PARD3B: variants seen among roughly 807,000 people sequenced by gnomAD.
The protein encoded by PARD3B is partitioning defective 3 homolog B.
A neutral mutation model predicts 130.2 loss-of-function variants in PARD3B; 103 were observed. The ratio of observed to expected loss-of-function variants is 0.79; its 90% CI spans 0.67 to 0.93. The LOEUF is 0.93. PARD3B is among the 40% of genes least tolerant of loss of function. PARD3B has a pLI of 0.00. For synonymous variants in PARD3B, 583 were observed against 553.2 expected (o/e 1.05, Z -0.76); for missense variants, 1,609 against 1,499.2 (o/e 1.07, Z -1.21).
At chr2:205,542,760 C>G (rs1048390699) in intron 21 of PARD3B, among the ~76,000 whole-genome samples, 3 of 152,164 alleles carry the variant, frequency 2.0e-5, no homozygotes, top group African/African-American at 7.2e-5. Flanking sequence ...TCACGCTAAG[C>G]AGTTACATAA....
chr2:204,885,574 T>C (rs951925140), intron 2 of PARD3B, among the ~76,000 whole-genome samples: 28 of 152,252 alleles, frequency 1.8e-4, no homozygotes, highest in African/African-American at 6.8e-4. Context: ...GATTGTGTTA[T>C]TTATATTTTA....
At chr2:205,383,138 A>AGATAGATAGATAGATAGATC (rs955641992) in intron 18 of PARD3B, among the ~76,000 whole-genome samples, 3 of 138,442 alleles carry the variant, frequency 2.2e-5, no homozygotes, top group African/African-American at 8.5e-5. Context: ...ATAGATAGAT[A>AGATAGATAGATAGATAGATC]GATCGATCTA....
chr2:205,206,335 T>G (rs1177655565), intron 15 of PARD3B, among the ~76,000 whole-genome samples: 1 of 151,406 alleles, frequency 6.6e-6, no homozygotes, highest in African/African-American at 2.4e-5. Context: ...CATCTAGCAT[T>G]AGGTATATCT....
intron 2 of PARD3B, among the ~76,000 whole-genome samples, chr2:204,944,356 T>A (rs1391005097): frequency 6.6e-6 from 1 of 152,048 alleles, no homozygotes; most frequent in Non-Finnish European, 1.5e-5. Flanking sequence ...ATGGCTTCTG[T>A]CCCCCAGCTC....
chr2:205,552,666 C>G (rs1395505834), intron 21 of PARD3B, among the ~76,000 whole-genome samples: 1 of 152,128 alleles, frequency 6.6e-6, no homozygotes, highest in Admixed American at 6.6e-5. Context: ...GCCTCTTGAC[C>G]TCCGAACAAA....
At chr2:205,088,646 AAG>A (rs1322112597) in intron 4 of PARD3B, among the ~76,000 whole-genome samples, 2 of 152,200 alleles carry the variant, frequency 1.3e-5, no homozygotes, top group Admixed American at 1.3e-4. Flanking sequence ...CACATTAATG[AAG>A]AGAGTTACTG....
chr2:204,563,843 G>A (rs758982426), intron 1 of PARD3B, among the ~76,000 whole-genome samples: 3 of 151,978 alleles, frequency 2.0e-5, no homozygotes, highest in African/African-American at 4.8e-5. Context: ...GCGCTATGTC[G>A]GCTCACTGCC....
At chr2:204,713,073 T>C (rs550558437) in intron 2 of PARD3B, among the ~76,000 whole-genome samples, 7 of 152,014 alleles carry the variant, frequency 4.6e-5, no homozygotes, top group Non-Finnish European at 1.0e-4. Flanking sequence ...TATTTGAACT[T>C]ATTAATCCTG....
chr2:205,343,676 G>A (rs940565673), intron 18 of PARD3B, among the ~76,000 whole-genome samples: 1 of 152,152 alleles, frequency 6.6e-6, no homozygotes, highest in Non-Finnish European at 1.5e-5. Flanking sequence ...GCACAGTCCA[G>A]TCACCCTGGC....
chr2:205,483,935 G>T (rs2049339619), intron 20 of PARD3B, among the ~76,000 whole-genome samples: 1 of 152,056 alleles, frequency 6.6e-6, no homozygotes, highest in Non-Finnish European at 1.5e-5. Context: ...TCTTAATATG[G>T]AATGTACAAC....
At chr2:205,161,649 C>T (rs1259218401) in intron 11 of PARD3B, among the ~76,000 whole-genome samples, 1 of 152,130 alleles carries the variant, frequency 6.6e-6, no homozygotes, top group Non-Finnish European at 1.5e-5. Context: ...GTTCCTGTCC[C>T]TGTTGAGAGG....
At chr2:205,029,248 T>G (rs1169196775) in intron 3 of PARD3B, among the ~76,000 whole-genome samples, 1 of 152,170 alleles carries the variant, frequency 6.6e-6, no homozygotes, top group Admixed American at 6.6e-5. Flanking sequence ...TATTAGAGCC[T>G]TTCTCCACTA....
intron 16 of PARD3B, among the ~76,000 whole-genome samples, chr2:205,286,192 T>G (rs1352622597): frequency 6.6e-6 from 1 of 152,174 alleles, no homozygotes; most frequent in East Asian, 1.9e-4. Flanking sequence ...CAAGTGAAAC[T>G]TATGAGACTG....
chr2:204,637,088 C>T (rs1284120707), intron 1 of PARD3B, among the ~76,000 whole-genome samples: 2 of 151,808 alleles, frequency 1.3e-5, no homozygotes, highest in African/African-American at 4.8e-5. Flanking sequence ...GTTTTTTTCC[C>T]TTTTGTCTTA....
chr2:204,874,504 AT>A (rs1450599308), intron 2 of PARD3B, among the ~76,000 whole-genome samples: 2 of 152,216 alleles, frequency 1.3e-5, no homozygotes, highest in African/African-American at 4.8e-5. Flanking sequence ...TAACTGTAAC[AT>A]TTATATTTCT....
intron 3 of PARD3B, among the ~76,000 whole-genome samples, chr2:205,018,902 T>G (rs2125326929): frequency 6.6e-6 from 1 of 152,236 alleles, no homozygotes; most frequent in Non-Finnish European, 1.5e-5. Context: ...CAGCTAAGAT[T>G]TTTTAACTCA....
rs767579602 is a variant in PARD3B at position 205,158,652 on chromosome 2, G to A, written c.1435-70G>A. The A allele has an allele frequency of 1.7e-5, 25 of 1,430,264 alleles. No homozygotes were observed. The highest frequency in any genetic ancestry group is 2.3e-5 in the Non-Finnish European group (24 of 1,041,134). 88.6% of individuals were successfully genotyped at this position (1,430,264 alleles called of 1,614,324 possible). On this transcript the variant is annotated intron_variant, in intron 10 of 22. Transcript: ENST00000406610. The surrounding 1 kb of genome is among the most constrained non-coding windows in gnomAD (Gnocchi z 5.4). ...GTCCTACTGATTGCATCTGTGTCTG[G>A]TCATCTGAGAGAGTGAAATATTAAT...
At chr2:205,226,059 A>G (rs2038523646) in intron 15 of PARD3B, among the ~76,000 whole-genome samples, 1 of 152,132 alleles carries the variant, frequency 6.6e-6, no homozygotes, top group South Asian at 2.1e-4. Flanking sequence ...CAATGGCACG[A>G]TCTCAAGAGT....
rs892137115 is a variant in PARD3B at position 204,675,996 on chromosome 2, C to T, written c.121-10185C>T. 6.6e-6 allele frequency among the ~76,000 whole-genome samples: 1 copy of T among 151,338 alleles called. No individual in the cohort carries two copies. Among genetic ancestry groups the T allele is most frequent in the African/African-American group, 2.4e-5 (1 of 41,180 alleles). On this transcript the variant is annotated intron_variant, in intron 1 of 22. Transcript: ENST00000406610. The surrounding 1 kb of genome is among the most constrained non-coding windows in gnomAD (Gnocchi z 4.4). The stretch of plus-strand genomic sequence containing the variant: ...ACTGGTTTATACATAATGGTTTATA[C>T]TGGTTCCCTGTCTTTAAAATAAGAG...
Sources: allele counts gnomAD v4.1 joint callset (sites outside exome capture counted in the v4.1 genomes callset), GRCh38; gene constraint gnomAD v4.1.1; non-coding constraint Gnocchi (gnomAD v3.1); transcripts MANE v1.5; gene names NCBI Gene and HGNC (gene_info 2026-07-23, HGNC 2026-07-21).